Variants in UGGT2 observed in about 807,000 individuals in gnomAD.
The protein encoded by UGGT2 is UDP-glucose:glycoprotein glucosyltransferase 2.
A neutral mutation model predicts 192.1 loss-of-function variants in UGGT2; 180 were observed. That is an observed-to-expected ratio of 0.94 (90% confidence interval 0.83 to 1.06). UGGT2 has a LOEUF of 1.06. Ranked by LOEUF, UGGT2 falls within the 50% of genes least tolerant of loss-of-function variation. The pLI is 0.00. For missense variants in UGGT2, 1,849 were observed against 1,795.7 expected, an observed-to-expected ratio of 1.03 and a Z score of -0.54; for synonymous variants, 580 against 591.0, an observed-to-expected ratio of 0.98 and a Z score of 0.27.
chr13:95,961,696 T>C (rs1221327746), intron 12 of UGGT2, among the ~76,000 whole-genome samples: 1 of 151,966 alleles, frequency 6.6e-6, no homozygotes, highest in African/African-American at 2.4e-5. Context: ...AGATGGAAAA[T>C]TGAAAAGAAC....
At chr13:95,806,516 A>G (rs1884313454) in intron 38 of UGGT2, among the ~76,000 whole-genome samples, 1 of 152,202 alleles carries the variant, frequency 6.6e-6, no homozygotes, top group Admixed American at 6.5e-5. Context: ...TGCAATCCCT[A>G]TCAAAACCCC....
intron 38 of UGGT2, chr13:95,832,650 T>C: frequency 2.0e-6 from 1 of 491,608 alleles, no homozygotes. Flanking sequence ...TCCTTTTACT[T>C]TTATTTTTCA....
At chr13:96,027,329 TC>T (rs1180628126) in intron 2 of UGGT2, among the ~76,000 whole-genome samples, 1 of 152,148 alleles carries the variant, frequency 6.6e-6, no homozygotes, top group East Asian at 1.9e-4. Flanking sequence ...AATGTAGGAT[TC>T]AGGAGTTTAT....
Position 95,801,788 on chromosome 13 carries a change from T to C in UGGT2, c.*2A>G. ...TCGCCTTCCTTCTCATATACACCAG[T>C]GCTAGAGTTCATCATGTGTCAAAAC... On this transcript the variant is annotated 3_prime_UTR_variant, in exon 39 of 39. Coordinates refer to ENST00000376747, the MANE Select transcript of UGGT2 (RefSeq NM_020121.4). The C allele has an allele frequency of 6.2e-7, 1 of 1,613,828 alleles. No individual in the cohort carries two copies. Among genetic ancestry groups the C allele is most frequent in the Non-Finnish European group, 8.5e-7 (1 of 1,179,842 alleles).
intron 38 of UGGT2, among the ~76,000 whole-genome samples, chr13:95,821,434 A>T (rs1594072913): frequency 6.6e-6 from 1 of 151,532 alleles, no homozygotes; most frequent in Non-Finnish European, 1.5e-5. Flanking sequence ...TGATGGGATT[A>T]TTTTTTTCTT....
chr13:95,809,358 C>T (rs1442267105), intron 38 of UGGT2: 5 of 428,508 alleles, frequency 1.2e-5, no homozygotes, highest in African/African-American at 2.1e-5. Flanking sequence ...GAACTCTCCA[C>T]GGTTTTTGTT....
intron 20 of UGGT2, among the ~76,000 whole-genome samples, chr13:95,909,784 A>T (rs2048422574): frequency 1.4e-5 from 2 of 140,574 alleles, no homozygotes; most frequent in African/African-American, 2.6e-5. Flanking sequence ...AATAATAAAA[A>T]AGATTCCTGC....
At chr13:96,024,199 G>A (rs768106790) in intron 2 of UGGT2, among the ~76,000 whole-genome samples, 17 of 152,162 alleles carry the variant, frequency 1.1e-4, no homozygotes, top group Non-Finnish European at 2.2e-4. Flanking sequence ...AGTATAATTA[G>A]TGTATCCAGA....
At chr13:95,935,256 C>T (rs1057111352) in intron 17 of UGGT2, among the ~76,000 whole-genome samples, 1 of 152,112 alleles carries the variant, frequency 6.6e-6, no homozygotes, top group African/African-American at 2.4e-5. Flanking sequence ...GTCTGCTTTT[C>T]AGTTTCTATG....
At chr13:95,837,808 G>A (rs1366188037) in intron 36 of UGGT2, among the ~76,000 whole-genome samples, 1 of 152,080 alleles carries the variant, frequency 6.6e-6, no homozygotes, top group African/African-American at 2.4e-5. Context: ...CCCTATAGAA[G>A]ATCTGCTTAT....
At chr13:95,891,966 A>T (rs771243948) in intron 24 of UGGT2, among the ~76,000 whole-genome samples, 2 of 152,172 alleles carry the variant, frequency 1.3e-5, no homozygotes, top group Non-Finnish European at 2.9e-5. Flanking sequence ...AGAGGGGCAT[A>T]GTCAGACAAC....
intron 25 of UGGT2, among the ~76,000 whole-genome samples, chr13:95,889,217 T>C (rs1183657673): frequency 6.6e-6 from 1 of 152,094 alleles, no homozygotes; most frequent in Non-Finnish European, 1.5e-5. Context: ...TCAGATATGA[T>C]TGCTTTCTAA....
At chr13:96,044,977 C>A (rs1366349566) in intron 1 of UGGT2, among the ~76,000 whole-genome samples, 1 of 152,110 alleles carries the variant, frequency 6.6e-6, no homozygotes, top group Non-Finnish European at 1.5e-5. Context: ...AGGGAATCCT[C>A]CTGAAATCAT....
chr13:95,932,953 A>C (rs889114701), intron 17 of UGGT2, among the ~76,000 whole-genome samples: 1 of 152,142 alleles, frequency 6.6e-6, no homozygotes, highest in Non-Finnish European at 1.5e-5. Context: ...ACGGTGAATT[A>C]ATTTTTTGAT....
intron 14 of UGGT2, 107 bp downstream of exon 14, chr13:95,947,889 A>C: frequency 2.1e-5 from 17 of 807,800 alleles, no homozygotes; most frequent in Non-Finnish European, 3.0e-5. Context: ...GTCAGGCACT[A>C]GAGCTAACCA....
intron 17 of UGGT2, among the ~76,000 whole-genome samples, chr13:95,928,390 T>C (rs9516624): frequency 9.7e-4 from 82 of 84,864 alleles, no homozygotes; most frequent in East Asian, 3.3e-3. Flanking sequence ...CGCTCCTCAC[T>C]TCCCGGACGG....
intron 33 of UGGT2, among the ~76,000 whole-genome samples, chr13:95,858,522 C>A (rs1263147497): frequency 6.6e-6 from 1 of 152,096 alleles, no homozygotes; most frequent in South Asian, 2.1e-4. Context: ...TCCACGAGTA[C>A]CCTCACACAC....
intron 17 of UGGT2, among the ~76,000 whole-genome samples, chr13:95,935,330 T>G (rs2049427305): frequency 1.3e-5 from 2 of 152,226 alleles, no homozygotes; most frequent in East Asian, 1.9e-4. Context: ...CATTCTTCCA[T>G]TCCCTTAAAG....
At chr13:96,039,745 A>G (rs1353075310) in intron 1 of UGGT2, among the ~76,000 whole-genome samples, 1 of 152,178 alleles carries the variant, frequency 6.6e-6, no homozygotes, top group African/African-American at 2.4e-5. Flanking sequence ...CTCATATCCA[A>G]GTTCACCAGT....
Sources: allele counts gnomAD v4.1 joint callset (sites outside exome capture counted in the v4.1 genomes callset), GRCh38; gene constraint gnomAD v4.1.1; transcripts MANE v1.5; gene names NCBI Gene and HGNC (gene_info 2026-07-23, HGNC 2026-07-21).